PLCH2: variants seen among roughly 807,000 people sequenced by gnomAD.
PLCH2 encodes the protein phospholipase C eta 2.
PLCH2 carries 98 observed loss-of-function variants against 134.7 expected under a neutral mutation model. The observed-to-expected ratio is 0.73, with a 90% CI of 0.62 to 0.86. The LOEUF (loss-of-function observed/expected upper bound fraction) is 0.86. PLCH2 is among the 40% of genes least tolerant of loss of function. The probability of loss-of-function intolerance (pLI) is 0.00; values close to 1 mark genes in which losing one functional copy is unlikely to be tolerated. For missense variants in PLCH2, 1,994 were observed against 1,986.6 expected (o/e 1.00, Z -0.07); for synonymous variants, 974 against 827.5 (o/e 1.18, Z -3.04).
rs755664217 is a variant in PLCH2 at position 2,504,346 on chromosome 1, C to T, written c.3384C>T (p.Asp1128=). 2 of 1,611,236 alleles carry T rather than the reference C, an allele frequency of 1.2e-6. No homozygotes were observed. Among genetic ancestry groups the T allele is most frequent in the Admixed American group, 1.7e-5 (1 of 60,012 alleles). ...TGTACTCCGATGCCACGGGCAGTGA[C>T]CCGCTGTGGCAGCGGCTGGAGCCAT... ...PAVYSDATGS[D]PLWQRLEPCG... Residue 1128 remains aspartate, a synonymous_variant, in exon 22 of 22, where the codon GAC becomes GAT. Coordinates refer to ENST00000378486, the MANE Select transcript of PLCH2 (RefSeq NM_014638.4).
Position 2,476,627 on chromosome 1 carries a change from G to T in PLCH2, c.39G>T (p.Lys13Asn). 6.2e-7 allele frequency: 1 copy of T among 1,602,262 alleles called. No homozygotes were observed. Among genetic ancestry groups the T allele is most frequent in the East Asian group, 2.3e-5 (1 of 44,376 alleles). The change falls in exon 1 of 22, where the codon AAG becomes AAT. Residue 13 changes from lysine to asparagine, a missense_variant. By Grantham distance (94) the Lys-to-Asn change is moderately conservative. This residue lies in a region of PLCH2 where 1,094 missense variants were observed against 1,234.3 expected (regional missense o/e 0.89). Transcript: ENST00000378486. ...GGCCCTCCCCCGACAGCCGGACCAAGGGAACGGTGGCCTGGCTGGCGGAGG... is the reference window on the plus strand; with the variant it reads ...GGCCCTCCCCCGACAGCCGGACCAATGGAACGGTGGCCTGGCTGGCGGAGG... Reference protein sequence around the residue: ...GPWPSPDSRTKGTVAWLAEVL... With the variant: ...GPWPSPDSRTNGTVAWLAEVL...
intron 2 of PLCH2, among the ~76,000 whole-genome samples, chr1:2,432,860 G>A (rs561731957): frequency 2.1e-4 from 32 of 152,290 alleles, no homozygotes; most frequent in Non-Finnish European, 3.7e-4. Flanking sequence ...CCTGGGAGGC[G>A]CCTGGAGGTC....
At chr1:2,422,146 G>A (rs573470364), upstream of PLCH2, among the ~76,000 whole-genome samples, 1 of 152,136 alleles carries the variant, frequency 6.6e-6, no homozygotes, top group African/African-American at 2.4e-5. Context: ...GCAGGTGCCT[G>A]TAATCTTAGC....
Position 2,498,011 on chromosome 1 carries a change from G to A in PLCH2, c.2224+402G>A, listed in dbSNP as rs556534278. ...CTCCTCCCGGCTCTCAGACACCTCT[G>A]TTTTGTCTGCTGTGGATGACTTCCA... On this transcript the variant is annotated intron_variant, in intron 16 of 21. Transcript: ENST00000378486. This position sits in a 1 kb window ranked among gnomAD's most constrained non-coding sequence, Gnocchi z 5.4. 7.7e-5 allele frequency: 19 copies of A among 247,646 alleles called. No homozygotes were observed. In the South Asian group the frequency reaches 1.6e-3, roughly 20 times the overall value. 15.3% of individuals were successfully genotyped at this position (247,646 alleles called of 1,614,324 possible). A position where few individuals can be genotyped will look rare whatever the true frequency, so the allele number is the denominator to read the frequency against.
At chr1:2,428,393 G>T (rs1638901055) in intron 1 of PLCH2, among the ~76,000 whole-genome samples, 1 of 152,220 alleles carries the variant, frequency 6.6e-6, no homozygotes, top group Non-Finnish European at 1.5e-5. Context: ...GACCAGTGTG[G>T]CTGGAAGTAA....
chr1:2,496,132 G>A (rs1230845710), intron 13 of PLCH2, among the ~76,000 whole-genome samples: 2 of 150,798 alleles, frequency 1.3e-5, no homozygotes, highest in East Asian at 2.0e-4. Flanking sequence ...CGTGCCCCTC[G>A]CCTGGGCACA....
upstream of PLCH2, among the ~76,000 whole-genome samples, chr1:2,423,346 C>G (rs1322344108): frequency 6.6e-6 from 1 of 152,132 alleles, no homozygotes; most frequent in Non-Finnish European, 1.5e-5. Context: ...TCCCCCCACA[C>G]CCAGCTATTT....
chr1:2,430,877 A>C lies in PLCH2; in HGVS notation c.115+248A>C, dbSNP rs536918189. ...TCAGTGTGTGTCCCTTCGTGTGGGC[A>C]GAGAGGGGGTGGGTTCATTCTTGGG... is the stretch of plus-strand genomic sequence containing the variant. On this transcript the variant is annotated intron_variant, in intron 2 of 3. Transcript: ENST00000609981. Among the ~76,000 whole-genome samples, 29 of 152,274 alleles carry C rather than the reference A, an allele frequency of 1.9e-4. No homozygotes were observed. The East Asian group carries it at 5.4e-3, about 28-fold the overall frequency.
rs559294543 is a variant in PLCH2 at position 2,479,956 on chromosome 1, G to A, written c.494G>A (p.Arg165His). 28 of 1,606,540 alleles carry A rather than the reference G, an allele frequency of 1.7e-5. No individual in the cohort carries two copies. In the East Asian group the frequency reaches 1.8e-4, roughly 10 times the overall value. Residue 165 changes from arginine to histidine, a missense_variant, in exon 3 of 22, where the codon CGC becomes CAC. By Grantham distance (29) the Arg-to-His change is conservative. Coordinates refer to ENST00000378486, the MANE Select transcript of PLCH2 (RefSeq NM_014638.4). ...AGISDEDSLA[R>H]RQRTRDQWLK... ...ATCAGCGACGAGGACAGCCTGGCTCGCCGCCAGCGCACCAGGGACCAATAT... is the reference window on the plus strand; with the variant it reads ...ATCAGCGACGAGGACAGCCTGGCTCACCGCCAGCGCACCAGGGACCAATAT...
chr1:2,479,882 C>G lies in PLCH2; in HGVS notation c.420C>G (p.Ser140Arg), dbSNP rs771436121. ...RESLDLVSTS[S>R]EVARTWVTGL... The stretch of plus-strand genomic sequence containing the variant: ...CGCTGGACCTGGTCTCCACCAGCAG[C>G]GAGGTGGCGCGCACCTGGGTCACTG... The change falls in exon 3 of 22, where the codon AGC becomes AGG. Residue 140 changes from serine to arginine, a missense_variant. Physicochemically the swap from Ser to Arg is moderately radical, Grantham distance 110. This residue lies in a region of PLCH2 where 1,094 missense variants were observed against 1,234.3 expected (regional missense o/e 0.89). Transcript: ENST00000378486. 1 of 1,611,752 alleles carries G rather than the reference C, an allele frequency of 6.2e-7. No homozygotes were observed. Among genetic ancestry groups the G allele is most frequent in the South Asian group, 1.1e-5 (1 of 91,048 alleles).
At chr1:2,451,177 T>A (rs1288971501) in intron 2 of PLCH2, among the ~76,000 whole-genome samples, 1 of 152,098 alleles carries the variant, frequency 6.6e-6, no homozygotes. Context: ...CTGTTGCTGG[T>A]GTCCACGTCA....
At position 2,504,986 on chromosome 1, in the gene PLCH2, A is replaced by G. The variant is rs1195458423; in HGVS notation, c.4024A>G (p.Ser1342Gly). The G allele has an allele frequency of 5.8e-6, 9 of 1,548,108 alleles. No individual in the cohort carries two copies. The Admixed American group carries it at 1.4e-4, about 23-fold the overall frequency. The stretch of plus-strand genomic sequence containing the variant: ...TTTTGTGCGGCGCTCCTCCTCCCGC[A>G]GCCACAGCCGCGTGCGTGCCATTGC... ...PGFVRRSSSR[S>G]HSRVRAIASR... The change falls in exon 22 of 22, where the codon AGC becomes GGC. Residue 1342 changes from serine (S) to glycine (G), a missense_variant. Physicochemically the swap from Ser to Gly is moderately conservative, Grantham distance 56 (BLOSUM62 0). Around this residue, in one of 2 missense-constraint regions of PLCH2, gnomAD observed 900 missense variants for 752.3 expected, o/e 1.20. Transcript: ENST00000378486.
rs1243006846 is a variant in PLCH2 at position 2,505,411 on chromosome 1, G to A, written c.*198G>A. 3 of 568,978 alleles carry A rather than the reference G, an allele frequency of 5.3e-6. No homozygotes were observed. Among genetic ancestry groups the A allele is most frequent in the East Asian group, 3.1e-5 (1 of 32,672 alleles). The allele number at this position is 568,978 out of a possible 1,614,324, so 35.2% of individuals were successfully genotyped here. On this transcript the variant is annotated 3_prime_UTR_variant, in exon 22 of 22. Coordinates refer to ENST00000378486, the MANE Select transcript of PLCH2 (RefSeq NM_014638.4). ...CTGCTGGCCCGGGGCCCACAGGAGG[G>A]GCTTCGAGGCTGGCCCTGCCAGGCA...
chr1:2,495,222 G>T (rs1642815479), intron 12 of PLCH2, among the ~76,000 whole-genome samples: 1 of 152,198 alleles, frequency 6.6e-6, no homozygotes, highest in Non-Finnish European at 1.5e-5. Flanking sequence ...GGGAACAGGT[G>T]CCTGGCTGGC....
At chr1:2,445,631 C>A (rs1639905791) in intron 2 of PLCH2, among the ~76,000 whole-genome samples, 1 of 152,006 alleles carries the variant, frequency 6.6e-6, no homozygotes, top group African/African-American at 2.4e-5. Flanking sequence ...CAGGTAGGGA[C>A]CCTGCCCAGA....
intron 8 of PLCH2, 120 bp from the exon 9 acceptor site, chr1:2,489,087 T>C (rs914662869): frequency 2.4e-5 from 21 of 888,284 alleles, no homozygotes; most frequent in Admixed American, 4.6e-5. Flanking sequence ...CTATCCTGGG[T>C]TCCTGGTGAA....
At chr1:2,455,003 G>A (rs1293451942) in intron 2 of PLCH2, among the ~76,000 whole-genome samples, 3 of 152,118 alleles carry the variant, frequency 2.0e-5, no homozygotes, top group Admixed American at 6.5e-5. Context: ...CATGTGGCCT[G>A]AGCACATGCG....
In PLCH2 at chr1:2,476,680, T is replaced by G; in HGVS notation, c.92T>G (p.Val31Gly). ...EVLLWVGGSV[V>G]LSSEWQLGPL... ...CTCCTCTGGGTTGGAGGGAGTGTGG[T>G]GCTGTCTTCAGAGTGGCAGCTCGGC... The change falls in exon 1 of 22, where the codon GTG becomes GGG. Residue 31 changes from valine (V) to glycine (G), a missense_variant. Around this residue, in one of 2 missense-constraint regions of PLCH2, gnomAD observed 1,094 missense variants for 1,234.3 expected, o/e 0.89. Transcript: ENST00000378486. 1 of 1,610,784 alleles carries G rather than the reference T, an allele frequency of 6.2e-7. No homozygotes were observed. Among genetic ancestry groups the G allele is most frequent in the South Asian group, 1.1e-5 (1 of 90,866 alleles).
intron 2 of PLCH2, among the ~76,000 whole-genome samples, chr1:2,440,013 G>A (rs990802985): frequency 2.0e-5 from 3 of 152,168 alleles, no homozygotes; most frequent in African/African-American, 7.2e-5. Context: ...ACCAGGCAGG[G>A]GTGGGCAGGG....
Sources: allele counts gnomAD v4.1 joint callset (sites outside exome capture counted in the v4.1 genomes callset), GRCh38; gene constraint gnomAD v4.1.1; regional missense constraint gnomAD v4.1.1; non-coding constraint Gnocchi (gnomAD v3.1); transcripts MANE v1.5; gene names NCBI Gene and HGNC (gene_info 2026-07-23, HGNC 2026-07-21).